YTHDC1: variants seen among roughly 807,000 people sequenced by gnomAD.
YTHDC1 encodes YTH domain-containing protein 1.
YTHDC1 carries 12 observed loss-of-function variants against 107.0 expected under a neutral mutation model. That is an observed-to-expected ratio of 0.11 (90% confidence interval 0.07 to 0.18). The LOEUF is 0.18. YTHDC1 is among the 10% of genes least tolerant of loss of function. The probability of loss-of-function intolerance (pLI) is 1.00; values close to 1 mark genes in which losing one functional copy is unlikely to be tolerated. For missense variants in YTHDC1, 635 were observed against 898.8 expected, an observed-to-expected ratio of 0.71 and a Z score of 3.75; for synonymous variants, 280 against 289.5, an observed-to-expected ratio of 0.97 and a Z score of 0.33.
At chr4:68,327,101 T>A (rs1189839670) in intron 9 of YTHDC1, among the ~76,000 whole-genome samples, 8 of 151,662 alleles carry the variant, frequency 5.3e-5, no homozygotes, top group African/African-American at 1.9e-4. Context: ...CCGGGCGTGG[T>A]GGCACATGCC....
At chr4:68,333,902 CT>C (rs1251848205) in intron 4 of YTHDC1, among the ~76,000 whole-genome samples, 3 of 152,120 alleles carry the variant, frequency 2.0e-5, no homozygotes, top group Non-Finnish European at 4.4e-5. Flanking sequence ...TAGTGATTCC[CT>C]TCTGGTTGCC....
At chr4:68,325,368 T>C (rs1037643403) in intron 9 of YTHDC1, among the ~76,000 whole-genome samples, 1 of 152,006 alleles carries the variant, frequency 6.6e-6, no homozygotes, top group African/African-American at 2.4e-5. Context: ...AGAGTTAAGC[T>C]TGAAAGAAAA....
rs1721421914 is a variant in YTHDC1, at chr4:68,312,990, AG to A, written c.*1108del. On this transcript the variant is annotated 3_prime_UTR_variant, in exon 17 of 17. Transcript: ENST00000344157. ...GGTTAAAAGTCCATTTATGAAGTAAAGTAGAAAGCATGTACAAAGTCGTTCA... is the reference window on the plus strand; with the variant it reads ...GGTTAAAAGTCCATTTATGAAGTAAATAGAAAGCATGTACAAAGTCGTTCA... The A allele has an allele frequency of 6.6e-6, 1 of 152,242 alleles. No homozygotes were observed. The allele number at this position is 152,242 out of a possible 1,614,324, so 9.4% of individuals were successfully genotyped here.
rs1721521762 is a variant in YTHDC1 at position 68,313,903 on chromosome 4, G to A, written c.*196C>T. 1.1e-5 allele frequency: 7 copies of A among 616,942 alleles called. No homozygotes were observed. The South Asian group carries it at 1.4e-4, about 13-fold the overall frequency. The allele number at this position is 616,942 out of a possible 1,614,324, so 38.2% of individuals were successfully genotyped here. On this transcript the variant is annotated 3_prime_UTR_variant, in exon 17 of 17. Transcript: ENST00000344157. ...AAGTGTCAATTCAACTGTCAGCTGT[G>A]GATTTTTGGCGGATTTGAGTTTTTC...
At chr4:68,345,784 A>G (rs1250789068) in intron 1 of YTHDC1, among the ~76,000 whole-genome samples, 2 of 152,226 alleles carry the variant, frequency 1.3e-5, no homozygotes, top group African/African-American at 4.8e-5. Flanking sequence ...GTATATACAC[A>G]TAGTATATAC....
intron 1 of YTHDC1, among the ~76,000 whole-genome samples, chr4:68,346,042 A>G (rs1466192954): frequency 1.4e-5 from 2 of 145,856 alleles, no homozygotes; most frequent in Non-Finnish European, 3.0e-5. Context: ...TGTGCACGTG[A>G]CTGTGTGCAT....
chr4:68,311,106 A>AT lies in YTHDC1; in HGVS notation c.*2992_*2993insA, dbSNP rs1467044148. The AT allele has an allele frequency of 6.6e-6, 1 of 152,146 alleles. No homozygotes were observed. The highest frequency in any genetic ancestry group is 2.4e-5 in the African/African-American group (1 of 41,416). 9.4% of individuals were successfully genotyped at this position (152,146 alleles called of 1,614,324 possible). A position where few individuals can be genotyped will look rare whatever the true frequency, so the allele number is the denominator to read the frequency against. ...GCCTCTCTTGCTTCCCAATGCTGGG[A>AT]GACAAAGAACCCCATTTCCTTGGAA... On this transcript the variant is annotated 3_prime_UTR_variant, in exon 17 of 17. Transcript: ENST00000344157.
rs549305480 is a variant in YTHDC1, at chr4:68,313,998, T to C, written c.*101A>G. On this transcript the variant is annotated 3_prime_UTR_variant, in exon 17 of 17. Transcript: ENST00000344157. The stretch of plus-strand genomic sequence containing the variant: ...AAATCCTTCTACACAATGAACTTCA[T>C]AGGCAGACAGCTGAAAATAAATTTA... 1.3e-4 allele frequency: 155 copies of C among 1,197,146 alleles called. No homozygotes were observed. The African/African-American group carries it at 2.0e-3, about 15-fold the overall frequency. 74.2% of individuals were successfully genotyped at this position (1,197,146 alleles called of 1,614,324 possible).
intron 1 of YTHDC1, among the ~76,000 whole-genome samples, chr4:68,344,532 T>C (rs1487152700): frequency 2.0e-5 from 3 of 152,192 alleles, no homozygotes; most frequent in Non-Finnish European, 4.4e-5. Context: ...AAACCCAGAT[T>C]TTTATTTGGA....
intron 11 of YTHDC1, among the ~76,000 whole-genome samples, chr4:68,320,587 T>G (rs1468821714): frequency 6.6e-6 from 1 of 152,006 alleles, no homozygotes; most frequent in South Asian, 2.1e-4. Flanking sequence ...AGATGAAAAA[T>G]AAAAACTAGA....
rs770005288 is a variant in YTHDC1, at chr4:68,337,426, G to A, written c.484C>T (p.Arg162Cys). ...SERIGLEVDR[R>C]ASRSSQSSKE... Reference sequence around the variant, plus strand: ...GAAGACTGGCTGGATCTGCTTGCACGTCTATCCACTTCAAGCCCAATTCTC... The same window carrying A: ...GAAGACTGGCTGGATCTGCTTGCACATCTATCCACTTCAAGCCCAATTCTC... Residue 162 changes from arginine to cysteine, a missense_variant, in exon 4 of 17, where the codon CGT (arginine) becomes TGT (cysteine). By Grantham distance (180) the Arg-to-Cys change is radical. Around this residue, in one of 5 missense-constraint regions of YTHDC1, gnomAD observed 294 missense variants for 312.3 expected, o/e 0.94. Transcript: ENST00000344157. 15 of 1,614,002 alleles carry A rather than the reference G, an allele frequency of 9.3e-6. No individual in the cohort carries two copies. The highest frequency in any genetic ancestry group is 1.6e-4 in the Middle Eastern group (1 of 6,062).
At chr4:68,349,630 A>AGC in intron 1 of YTHDC1, 96 bp downstream of exon 1, 51 of 153,362 alleles carry the variant, frequency 3.3e-4, no homozygotes, top group South Asian at 6.7e-4. Flanking sequence ...TAACCTCCCC[A>AGC]ACCCCCACCC....
chr4:68,316,634 CAT>C (rs1721889432), intron 15 of YTHDC1, among the ~76,000 whole-genome samples, 186 bp from the exon 16 acceptor site: 2 of 152,190 alleles, frequency 1.3e-5, no homozygotes, highest in Admixed American at 6.5e-5. Context: ...TAAGATTTAA[CAT>C]GTTTATGCTT....
chr4:68,316,886 C>T (rs1418163314), intron 15 of YTHDC1, among the ~76,000 whole-genome samples: 3 of 152,158 alleles, frequency 2.0e-5, no homozygotes, highest in South Asian at 4.1e-4. Flanking sequence ...CATCAGGCAT[C>T]CTAGTTCTGC....
Position 68,337,767 on chromosome 4 carries a change from T to C in YTHDC1, c.264A>G (p.Lys88=). Residue 88 remains lysine, a synonymous_variant, in exon 3 of 17, where the codon AAA becomes AAG. Coordinates refer to ENST00000344157, the MANE Select transcript of YTHDC1 (RefSeq NM_001031732.4). Reference sequence around the variant, plus strand: ...TTTTATACTCTGTGGCTGACTTTCCTTTTGTACTAACTATTCTTTTGTTAT... The same window carrying C: ...TTTTATACTCTGTGGCTGACTTTCCCTTTGTACTAACTATTCTTTTGTTAT... ...VSNNKRIVST[K]GKSATEYKNE... The C allele has an allele frequency of 6.2e-7, 1 of 1,614,206 alleles. No homozygotes were observed. Among genetic ancestry groups the C allele is most frequent in the Non-Finnish European group, 8.5e-7 (1 of 1,180,038 alleles).
At chr4:68,344,975 G>A (rs1284884742) in intron 1 of YTHDC1, among the ~76,000 whole-genome samples, 1 of 152,174 alleles carries the variant, frequency 6.6e-6, no homozygotes, top group African/African-American at 2.4e-5. Context: ...CGGCTGCAGT[G>A]AGCCCTGATC....
intron 9 of YTHDC1, among the ~76,000 whole-genome samples, chr4:68,327,560 A>G (rs1169245443): frequency 6.6e-6 from 1 of 152,192 alleles, no homozygotes; most frequent in Non-Finnish European, 1.5e-5. Flanking sequence ...GATGCTACTG[A>G]TGTAAGTGAT....
At chr4:68,320,411 GTAGA>G (rs1186814497) in intron 11 of YTHDC1, among the ~76,000 whole-genome samples, 1 of 152,086 alleles carries the variant, frequency 6.6e-6, no homozygotes, top group Non-Finnish European at 1.5e-5. Flanking sequence ...ACTGCTGGAA[GTAGA>G]TATTCTCTGC....
At position 68,333,365 on chromosome 4, in the gene YTHDC1, C is replaced by T. The variant is rs1723799324; in HGVS notation, c.916G>A (p.Gly306Ser). 2 of 1,611,968 alleles carry T rather than the reference C, an allele frequency of 1.2e-6. No homozygotes were observed. Among genetic ancestry groups the T allele is most frequent in the African/African-American group, 1.3e-5 (1 of 74,714 alleles). ...CTATCAAAAACAATTGGAGATATGC[C>T]TCTAGCTCTCTTCCTTTCCTTCTTT... is the stretch of plus-strand genomic sequence containing the variant. ...EKKKERKRAR[G>S]ISPIVFDRSG... Residue 306 changes from glycine to serine, a missense_variant, in exon 5 of 17, where the codon GGC (glycine) becomes AGC (serine). Gly to Ser is a moderately conservative substitution (Grantham distance 56). Around this residue, in one of 5 missense-constraint regions of YTHDC1, gnomAD observed 294 missense variants for 312.3 expected, o/e 0.94. Coordinates refer to ENST00000344157, the MANE Select transcript of YTHDC1 (RefSeq NM_001031732.4).
Sources: gnomAD v4.1 joint callset for allele counts (sites outside exome capture counted in the v4.1 genomes callset) on GRCh38, gnomAD v4.1.1 for gene constraint, gnomAD v4.1.1 regional missense constraint, MANE v1.5 for transcripts, NCBI Gene and HGNC (gene_info 2026-07-23, HGNC 2026-07-21) for gene names.